EFNA4: variants seen among roughly 807,000 people sequenced by gnomAD.
The protein encoded by EFNA4 is ephrin A4, also known as ephrin-A4.
In EFNA4, 22 loss-of-function variants were observed where a neutral mutation model predicts 23.7. The ratio of observed to expected loss-of-function variants is 0.93; its 90% CI spans 0.66 to 1.32. The LOEUF (loss-of-function observed/expected upper bound fraction) is 1.32, where lower values mean the gene tolerates loss of function less well. Ranked by LOEUF, EFNA4 falls within the 40% of genes most tolerant of loss-of-function variation. EFNA4 has a pLI of 0.00. For synonymous variants in EFNA4, 113 were observed against 108.3 expected, an observed-to-expected ratio of 1.04 and a Z score of -0.27; for missense variants, 252 against 252.3, an observed-to-expected ratio of 1.00 and a Z score of 0.01.
chr1:155,063,995 C>T lies in EFNA4; in HGVS notation c.113+59C>T. On this transcript the variant is annotated intron_variant, in intron 1 of 3. Coordinates refer to ENST00000368409, the MANE Select transcript of EFNA4 (RefSeq NM_005227.3). This position sits in a 1 kb window ranked among gnomAD's most constrained non-coding sequence, Gnocchi z 4.1. ...AGTCTGCGCGCTCCCGGGCTTTGCG[C>T]GCGCCCGCCACCCGCTCTTTGCGCG... is the stretch of plus-strand genomic sequence containing the variant. 9 of 1,402,150 alleles carry T rather than the reference C, an allele frequency of 6.4e-6. No individual in the cohort carries two copies. Among genetic ancestry groups the T allele is most frequent in the Non-Finnish European group, 7.6e-6 (8 of 1,054,322 alleles). The allele number at this position is 1,402,150 out of a possible 1,614,324, so 86.9% of individuals were successfully genotyped here. A position where few individuals can be genotyped will look rare whatever the true frequency, so the allele number is the denominator to read the frequency against.
At chr1:155,065,172 G>A (rs949476358) in intron 1 of EFNA4, among the ~76,000 whole-genome samples, 3 of 152,164 alleles carry the variant, frequency 2.0e-5, no homozygotes, top group African/African-American at 4.8e-5. Context: ...ACTTACCAAG[G>A]CCCTGTCCTT....
Position 155,066,845 on chromosome 1 carries a change from ATGG to A in EFNA4, c.233_235del (p.Val78del). The A allele has an allele frequency of 2.5e-6, 4 of 1,614,016 alleles. No homozygotes were observed. The highest frequency in any genetic ancestry group is 3.4e-6 in the Non-Finnish European group (4 of 1,180,018). ...GGGCCCCGAGACGTTTGCTTTGTAC[ATGG>A]TGGACTGGCCAGGCTATGAGTCCTG... On this transcript the variant is annotated inframe_deletion, in exon 2 of 4. Transcript: ENST00000368409.
chr1:155,065,141 C>T (rs988535108), intron 1 of EFNA4, among the ~76,000 whole-genome samples: 6 of 152,276 alleles, frequency 3.9e-5, no homozygotes, highest in East Asian at 3.9e-4. Context: ...TTTCCAGGCA[C>T]GGGGGATGCA....
rs1226859582 is a variant in EFNA4, at chr1:155,069,199, ACT to A, written c.*213_*214del. 1 of 1,572,402 alleles carries A rather than the reference ACT, an allele frequency of 6.4e-7. No individual in the cohort carries two copies. The highest frequency in any genetic ancestry group is 2.3e-5 in the East Asian group (1 of 44,046). On this transcript the variant is annotated 3_prime_UTR_variant, in exon 4 of 4. Coordinates refer to ENST00000368409, the MANE Select transcript of EFNA4 (RefSeq NM_005227.3). Reference sequence around the variant, plus strand: ...AGAAGAGCAGTAGACAGCCCTGGACACTCTGAAGCAGAGGCAAGACAAACACA... The same window carrying A: ...AGAAGAGCAGTAGACAGCCCTGGACACTGAAGCAGAGGCAAGACAAACACA...
Position 155,066,990 on chromosome 1 carries a change from T to C in EFNA4, c.374T>C (p.Leu125Ser). The C allele has an allele frequency of 3.1e-6, 5 of 1,612,628 alleles. No homozygotes were observed. The highest frequency in any genetic ancestry group is 4.2e-6 in the Non-Finnish European group (5 of 1,179,402). The part of the protein sequence containing the change: ...FTPFSLGFEF[L>S]PGETYYYISV... ...CCCTTCTCCCTCGGCTTTGAGTTCT[T>C]ACCTGGAGAGACTTACTACTACATC... Residue 125 changes from leucine (L) to serine (S), a missense_variant, in exon 2 of 4, where the codon TTA (leucine) becomes TCA (serine). Transcript: ENST00000368409.
intron 2 of EFNA4, 97 bp downstream of exon 2, chr1:155,067,113 T>C (rs924812784): frequency 2.1e-6 from 3 of 1,424,262 alleles, no homozygotes; most frequent in African/African-American, 2.9e-5. Flanking sequence ...GGGTCTCTAA[T>C]GTACATCGGG....
chr1:155,066,315 C>T (rs1326292217), intron 1 of EFNA4, among the ~76,000 whole-genome samples: 1 of 152,250 alleles, frequency 6.6e-6, no homozygotes, highest in Non-Finnish European at 1.5e-5. Context: ...CTGTGTGCAA[C>T]TGTACCTCCT....
Position 155,067,017 on chromosome 1 carries a change from G to A in EFNA4, c.400+1G>A. ...CCTGGAGAGACTTACTACTACATCT[G>A]TGAGTGGCCAAGGGCACACTGGACA... On this transcript the variant is annotated splice_donor_variant, in intron 2 of 3. Transcript: ENST00000368409. LOFTEE classifies it high-confidence loss of function. The A allele has an allele frequency of 6.2e-7, 1 of 1,602,092 alleles. No individual in the cohort carries two copies.
chr1:155,067,614 A>G (rs893258874), intron 3 of EFNA4, among the ~76,000 whole-genome samples, 174 bp downstream of exon 3: 1 of 151,862 alleles, frequency 6.6e-6, no homozygotes, highest in South Asian at 2.1e-4. Context: ...TCCTCTCCCC[A>G]CTTCTGTTTT....
chr1:155,063,901 C>A lies in EFNA4; in HGVS notation c.78C>A (p.Leu26=). 1 of 1,568,504 alleles carries A rather than the reference C, an allele frequency of 6.4e-7. No individual in the cohort carries two copies. Among genetic ancestry groups the A allele is most frequent in the African/African-American group, 1.4e-5 (1 of 72,870 alleles). The part of the protein sequence containing the change: ...LGSPLRGGSS[L]RHVVYWNSSN... ...CCCCTCTGCGCGGGGGCTCCAGCCT[C>A]CGCCACGTAGTCTACTGGAACTCCA... Residue 26 remains leucine (L), a synonymous_variant, in exon 1 of 4, where the codon CTC becomes CTA. Transcript: ENST00000368409. The surrounding 1 kb of genome is among the most constrained non-coding windows in gnomAD (Gnocchi z 4.1).
rs1663130642 is a variant in EFNA4, at chr1:155,069,501, G to A, written c.*512G>A. On this transcript the variant is annotated 3_prime_UTR_variant, in exon 4 of 4. Coordinates refer to ENST00000368409, the MANE Select transcript of EFNA4 (RefSeq NM_005227.3). ...TTCATGCCAGTTTGTATTTTTATAA[G>A]TATCTAGACCAAACCTTCAATAAAC... 1 of 293,542 alleles carries A rather than the reference G, an allele frequency of 3.4e-6. No individual in the cohort carries two copies. Among genetic ancestry groups the A allele is most frequent in the African/African-American group, 2.2e-5 (1 of 44,944 alleles). 18.2% of individuals were successfully genotyped at this position (293,542 alleles called of 1,614,324 possible). A position where few individuals can be genotyped will look rare whatever the true frequency, so the allele number is the denominator to read the frequency against.
In EFNA4 at chr1:155,063,823, G is replaced by T. The variant is rs1043928491; in HGVS notation, c.-1G>T. 3.7e-5 allele frequency: 57 copies of T among 1,526,986 alleles called. No homozygotes were observed. Among genetic ancestry groups the T allele is most frequent in the Non-Finnish European group, 4.9e-5 (56 of 1,138,234 alleles). The allele number at this position is 1,526,986 out of a possible 1,614,324, so 94.6% of individuals were successfully genotyped here. ...CCAGACCAAACCGGACCTCGGGGGC[G>T]ATGCGGCTGCTGCCCCTGCTGCGGA... On this transcript the variant is annotated 5_prime_UTR_variant, in exon 1 of 4. Transcript: ENST00000368409. The surrounding 1 kb of genome is among the most constrained non-coding windows in gnomAD (Gnocchi z 4.1).
chr1:155,067,097 G>A (rs1231802670), intron 2 of EFNA4, 81 bp downstream of exon 2: 3 of 1,494,072 alleles, frequency 2.0e-6, no homozygotes, highest in East Asian at 2.3e-5. Flanking sequence ...GAAGGAGGAG[G>A]GGGCTGGGTC....
chr1:155,069,033 C>T lies in EFNA4; in HGVS notation c.*44C>T. 6.2e-7 allele frequency: 1 copy of T among 1,612,302 alleles called. No homozygotes were observed. The highest frequency in any genetic ancestry group is 1.3e-5 in the African/African-American group (1 of 74,938). ...CTCATCCCAAGGAGCCAGAGTCCTC[C>T]CAAGATCCCCTGGAGGAGGAGGGAT... On this transcript the variant is annotated 3_prime_UTR_variant, in exon 4 of 4. Transcript: ENST00000368409.
intron 3 of EFNA4, among the ~76,000 whole-genome samples, chr1:155,067,788 AT>A (rs1438605172): frequency 2.0e-5 from 3 of 150,350 alleles, no homozygotes; most frequent in Non-Finnish European, 3.0e-5. Context: ...CACCCGGCTA[AT>A]TTTTTGTATT....
rs1663068355 is a variant in EFNA4, at chr1:155,067,029, G to A, written c.400+13G>A. ...TACTACTACATCTGTGAGTGGCCAAGGGCACACTGGACACCTCTTGTGTAC... is the reference window on the plus strand; with the variant it reads ...TACTACTACATCTGTGAGTGGCCAAAGGCACACTGGACACCTCTTGTGTAC... On this transcript the variant is annotated intron_variant, in intron 2 of 3. Coordinates refer to ENST00000368409, the MANE Select transcript of EFNA4 (RefSeq NM_005227.3). 1.3e-6 allele frequency: 2 copies of A among 1,591,688 alleles called. No homozygotes were observed. Among genetic ancestry groups the A allele is most frequent in the African/African-American group, 1.3e-5 (1 of 74,338 alleles).
In EFNA4 at chr1:155,067,117, C is replaced by T. The variant is rs571713375; in HGVS notation, c.400+101C>T. On this transcript the variant is annotated intron_variant, in intron 2 of 3. Transcript: ENST00000368409. ...AGGAGGGGGCTGGGTCTCTAATGTA[C>T]ATCGGGTTGAGGTATGGGCTGAACT... 3.2e-4 allele frequency: 450 copies of T among 1,407,286 alleles called. 1 individual carries two copies. The highest frequency in any genetic ancestry group is 3.0e-5 in the Non-Finnish European group (31 of 1,036,072). 87.2% of individuals were successfully genotyped at this position (1,407,286 alleles called of 1,614,324 possible). A position where few individuals can be genotyped will look rare whatever the true frequency, so the allele number is the denominator to read the frequency against.
intron 1 of EFNA4, among the ~76,000 whole-genome samples, chr1:155,065,030 A>T (rs1314649416): frequency 6.6e-6 from 1 of 152,148 alleles, no homozygotes; most frequent in Non-Finnish European, 1.5e-5. Flanking sequence ...CACTTGGAGG[A>T]CCTGTTAAAA....
chr1:155,063,874 C>G lies in EFNA4; in HGVS notation c.51C>G (p.Gly17=). 1.3e-6 allele frequency: 2 copies of G among 1,562,060 alleles called. No homozygotes were observed. Among genetic ancestry groups the G allele is most frequent in the Non-Finnish European group, 1.7e-6 (2 of 1,155,282 alleles). The change falls in exon 1 of 4, where the codon GGC becomes GGG. Residue 17 remains glycine, a synonymous_variant. Transcript: ENST00000368409. The surrounding 1 kb of genome is among the most constrained non-coding windows in gnomAD (Gnocchi z 4.1). The part of the protein sequence containing the change: ...LRTVLWAAFL[G]SPLRGGSSLR... ...CTGTCCTCTGGGCCGCGTTCCTCGG[C>G]TCCCCTCTGCGCGGGGGCTCCAGCC...
Sources: allele counts gnomAD v4.1 joint callset (sites outside exome capture counted in the v4.1 genomes callset), GRCh38; gene constraint gnomAD v4.1.1; non-coding constraint Gnocchi (gnomAD v3.1); transcripts MANE v1.5; gene names NCBI Gene and HGNC (gene_info 2026-07-23, HGNC 2026-07-21).